CASTOR2: variants seen among roughly 807,000 people sequenced by gnomAD.
The protein encoded by CASTOR2 is cytosolic arginine sensor for mTORC1 subunit 2.
In CASTOR2, 8 loss-of-function variants were observed where a neutral mutation model predicts 31.2. The ratio of observed to expected loss-of-function variants is 0.26; its 90% CI spans 0.15 to 0.46. The LOEUF (loss-of-function observed/expected upper bound fraction) is 0.46, where lower values mean the gene tolerates loss of function less well. Ranked by LOEUF, CASTOR2 falls within the 20% of genes least tolerant of loss-of-function variation. CASTOR2 has a pLI of 0.99. For missense variants in CASTOR2, 216 were observed against 382.1 expected, an observed-to-expected ratio of 0.57 and a Z score of 3.62; for synonymous variants, 162 against 158.7, an observed-to-expected ratio of 1.02 and a Z score of -0.16.
rs34618815 is a variant in CASTOR2 at position 74,988,964 on chromosome 7, C to CTTTT, written c.114-19019_114-19016dup. Reference sequence around the variant, plus strand: ...AGCCATAACACTGGAGGGAATTTTTCTTTTTTTTTTTTTTGAGACGGAGTC... The same window carrying CTTTT: ...AGCCATAACACTGGAGGGAATTTTTCTTTTTTTTTTTTTTTTTTGAGACGGAGTC... On this transcript the variant is annotated intron_variant, in intron 1 of 8. Transcript: ENST00000616305. Among the ~76,000 whole-genome samples, 9 of 137,860 alleles carry CTTTT rather than the reference C, an allele frequency of 6.5e-5. 1 individual carries two copies. Among genetic ancestry groups the CTTTT allele is most frequent in the Non-Finnish European group, 1.1e-4 (7 of 65,460 alleles). The allele number at this position is 137,860 out of a possible 152,430, so 90.4% of individuals were successfully genotyped here. A position where few individuals can be genotyped will look rare whatever the true frequency, so the allele number is the denominator to read the frequency against.
At chr7:74,980,677 G>A (rs1554436189) in intron 1 of CASTOR2, among the ~76,000 whole-genome samples, 1 of 139,710 alleles carries the variant, frequency 7.2e-6, no homozygotes, top group Non-Finnish European at 1.5e-5. Context: ...GGAAGCACTG[G>A]AAGAGCACAT....
rs1413412105 is a variant in CASTOR2 at position 75,031,254 on chromosome 7, C to T, written c.*6555C>T. 6.6e-6 allele frequency among the ~76,000 whole-genome samples: 1 copy of T among 152,112 alleles called. No homozygotes were observed. The highest frequency in any genetic ancestry group is 1.5e-5 in the Non-Finnish European group (1 of 68,012). ...CCATCGTAGTGGGGGCAGGGGACTTCCTGCCCACAACCCCCTCCAACCCTC... is the reference window on the plus strand; with the variant it reads ...CCATCGTAGTGGGGGCAGGGGACTTTCTGCCCACAACCCCCTCCAACCCTC... On this transcript the variant is annotated 3_prime_UTR_variant, in exon 9 of 9. Transcript: ENST00000616305.
At position 75,017,731 on chromosome 7, in the gene CASTOR2, A is replaced by C; in HGVS notation, c.318A>C (p.Pro106=). The change falls in exon 3 of 9, where the codon CCA becomes CCC. Residue 106 remains proline (P), a synonymous_variant. Transcript: ENST00000616305. ...VTKIAKSVIA[P]LADQNISVFM... ...AGATCGCCAAGTCAGTCATCGCCCC[A>C]CTGGCTGACCAGAACATATCCGTGT... is the stretch of plus-strand genomic sequence containing the variant. 1 of 1,613,996 alleles carries C rather than the reference A, an allele frequency of 6.2e-7. No homozygotes were observed. The highest frequency in any genetic ancestry group is 8.5e-7 in the Non-Finnish European group (1 of 1,179,878).
chr7:75,008,810 C>T (rs1804663068), intron 2 of CASTOR2, among the ~76,000 whole-genome samples: 1 of 152,140 alleles, frequency 6.6e-6, no homozygotes, highest in South Asian at 2.1e-4. Context: ...AAGAGCCAGG[C>T]ATGGTGGTGT....
chr7:74,996,822 A>G (rs1413026099), intron 1 of CASTOR2, among the ~76,000 whole-genome samples: 1 of 126,882 alleles, frequency 7.9e-6, no homozygotes, highest in East Asian at 2.7e-4. Flanking sequence ...TTCGCCTCCC[A>G]GGTTCAAGCA....
chr7:75,019,227 G>A, intron 5 of CASTOR2, 132 bp downstream of exon 5: 17 of 1,456,026 alleles, frequency 1.2e-5, no homozygotes, highest in Non-Finnish European at 1.5e-5. Context: ...ACCTTCCCTG[G>A]AGCTAGTCTG....
chr7:74,990,780 G>A (rs1198397764), intron 1 of CASTOR2, among the ~76,000 whole-genome samples: 1 of 152,202 alleles, frequency 6.6e-6, no homozygotes, highest in Non-Finnish European at 1.5e-5. Context: ...ACTTGAATGC[G>A]GGAGGCAGAG....
At chr7:74,988,466 T>A (rs1324307177) in intron 1 of CASTOR2, among the ~76,000 whole-genome samples, 2 of 151,976 alleles carry the variant, frequency 1.3e-5, no homozygotes, top group Non-Finnish European at 2.9e-5. Flanking sequence ...CCCAGCTAAT[T>A]TTTTATGTTT....
intron 2 of CASTOR2, among the ~76,000 whole-genome samples, chr7:75,008,734 A>G (rs1804659598): frequency 6.6e-6 from 1 of 152,116 alleles, no homozygotes; most frequent in Admixed American, 6.6e-5. Flanking sequence ...TCTAGCTGGC[A>G]AGGGCACAGT....
chr7:75,020,154 GC>G lies in CASTOR2; in HGVS notation c.746+7del, dbSNP rs1467331705. ...GGACGTGCAGACGCAGCAGAGGTGA[GC>G]CAGGCCCTGGGGTGGACGTTCAACC... On this transcript the variant is annotated splice_donor_region_variant and intron_variant, in intron 6 of 8. Transcript: ENST00000616305. 23 of 1,551,302 alleles carry G rather than the reference GC, an allele frequency of 1.5e-5. No homozygotes were observed. The African/African-American group carries it at 2.9e-4, about 19-fold the overall frequency.
At chr7:75,009,371 C>T (rs1804680062) in intron 2 of CASTOR2, among the ~76,000 whole-genome samples, 1 of 145,070 alleles carries the variant, frequency 6.9e-6, no homozygotes, top group South Asian at 2.2e-4. Flanking sequence ...AGGTTCACAC[C>T]ATTCTCCTGC....
Position 75,031,040 on chromosome 7 carries a change from C to T in CASTOR2, c.*6341C>T, listed in dbSNP as rs1368275743. ...GGCCAGTGCGGTTTCCCTTCCACTG[C>T]CTCAGTTTACCTGTATTCAGAAGAC... On this transcript the variant is annotated 3_prime_UTR_variant, in exon 9 of 9. Coordinates refer to ENST00000616305, the MANE Select transcript of CASTOR2 (RefSeq NM_001145064.3). Among the ~76,000 whole-genome samples the T allele has an allele frequency of 6.6e-6, 1 of 152,236 alleles. No individual in the cohort carries two copies. The highest frequency in any genetic ancestry group is 1.5e-5 in the Non-Finnish European group (1 of 68,046).
intron 1 of CASTOR2, among the ~76,000 whole-genome samples, chr7:74,976,545 TCC>T: frequency 7.0e-6 from 1 of 141,972 alleles, no homozygotes; most frequent in Admixed American, 7.3e-5. Context: ...CTCCTCCTCC[TCC>T]TCCTCCTCCT....
At chr7:74,987,629 C>A (rs1324707155) in intron 1 of CASTOR2, among the ~76,000 whole-genome samples, 3 of 152,196 alleles carry the variant, frequency 2.0e-5, no homozygotes, top group Non-Finnish European at 4.4e-5. Flanking sequence ...GTTCATCACC[C>A]CCGTGGGGAG....
At position 75,027,875 on chromosome 7, in the gene CASTOR2, C is replaced by T. The variant is rs1452012119; in HGVS notation, c.*3176C>T. 17 of 840,822 alleles carry T rather than the reference C, an allele frequency of 2.0e-5. No homozygotes were observed. The highest frequency in any genetic ancestry group is 1.3e-4 in the South Asian group (9 of 68,492). 52.1% of individuals were successfully genotyped at this position (840,822 alleles called of 1,614,324 possible). ...AGTGTGGTTTTTCCCAGGCAGGGGC[C>T]GTCTGCCCTTGTCCCCCAGCTATCT... On this transcript the variant is annotated 3_prime_UTR_variant, in exon 9 of 9. Coordinates refer to ENST00000616305, the MANE Select transcript of CASTOR2 (RefSeq NM_001145064.3).
At chr7:75,005,583 G>A (rs1804588640) in intron 1 of CASTOR2, among the ~76,000 whole-genome samples, 1 of 152,118 alleles carries the variant, frequency 6.6e-6, no homozygotes, top group Non-Finnish European at 1.5e-5. Flanking sequence ...ATACAAACAG[G>A]CAATATGTAT....
chr7:74,996,146 G>A (rs1261732783), intron 1 of CASTOR2, among the ~76,000 whole-genome samples: 2 of 152,130 alleles, frequency 1.3e-5, no homozygotes, highest in Non-Finnish European at 2.9e-5. Context: ...GCAATGGGTA[G>A]ATGGGCCCCG....
chr7:75,009,020 G>A (rs1430502577), intron 2 of CASTOR2, among the ~76,000 whole-genome samples: 1 of 152,088 alleles, frequency 6.6e-6, no homozygotes, highest in African/African-American at 2.4e-5. Context: ...GCAATGGCAC[G>A]ATCTCGGCTC....
rs1255831052 is a variant in CASTOR2 at position 74,974,975 on chromosome 7, C to T, written c.113+9877C>T. On this transcript the variant is annotated intron_variant, in intron 1 of 8. Transcript: ENST00000616305. Reference sequence around the variant, plus strand: ...GGTAGTTTTGTTTTGTTTTGTTTTGCTTTTGTTTTTGGAGATGGAGTTACA... The same window carrying T: ...GGTAGTTTTGTTTTGTTTTGTTTTGTTTTTGTTTTTGGAGATGGAGTTACA... Among the ~76,000 whole-genome samples the T allele has an allele frequency of 2.0e-5, 3 of 149,056 alleles. 1 individual carries two copies. Among genetic ancestry groups the T allele is most frequent in the East Asian group, 4.1e-4 (2 of 4,906 alleles).
Sources: allele counts gnomAD v4.1 joint callset (sites outside exome capture counted in the v4.1 genomes callset), GRCh38; gene constraint gnomAD v4.1.1; transcripts MANE v1.5; gene names NCBI Gene and HGNC (gene_info 2026-07-23, HGNC 2026-07-21).